MAML3: variants seen among roughly 807,000 people sequenced by gnomAD.
MAML3 encodes mastermind like transcriptional coactivator 3.
A neutral mutation model predicts 101.9 loss-of-function variants in MAML3; 27 were observed. That is an observed-to-expected ratio of 0.27 (90% confidence interval 0.20 to 0.37). The LOEUF is 0.37. Ranked by LOEUF, MAML3 falls within the 10% of genes least tolerant of loss-of-function variation. MAML3 has a pLI of 1.00. For missense variants in MAML3, 1,316 were observed against 1,444.9 expected, an observed-to-expected ratio of 0.91 and a Z score of 1.45; for synonymous variants, 501 against 555.9, an observed-to-expected ratio of 0.90 and a Z score of 1.39.
chr4:139,946,925 ACTCTCTCTCTCT>A (rs869076388), intron 1 of MAML3, among the ~76,000 whole-genome samples: 8 of 68,132 alleles, frequency 1.2e-4, no homozygotes, highest in African/African-American at 5.3e-4. Context: ...ACACACACAC[ACTCTCTCTCTCT>A]CTCTCTCTCT....
chr4:140,093,291 T>A (rs914437154), intron 1 of MAML3, among the ~76,000 whole-genome samples: 3 of 152,238 alleles, frequency 2.0e-5, no homozygotes, highest in Non-Finnish European at 4.4e-5. Context: ...CAGATGTGAC[T>A]TTTTATAACT....
chr4:140,004,246 A>G (rs1726398913), intron 1 of MAML3, among the ~76,000 whole-genome samples: 1 of 152,210 alleles, frequency 6.6e-6, no homozygotes, highest in Admixed American at 6.5e-5. Flanking sequence ...ACCCCAGAAT[A>G]TTGGTGGATG....
chr4:139,782,080 A>G (rs1287319353), intron 2 of MAML3, among the ~76,000 whole-genome samples: 1 of 152,222 alleles, frequency 6.6e-6, no homozygotes, highest in Non-Finnish European at 1.5e-5. Context: ...ATCTAGATTT[A>G]TATGCCCATC....
rs1472589166 is a variant in MAML3 at position 140,109,481 on chromosome 4, G to T, written c.468+43379C>A. Among the ~76,000 whole-genome samples, 26 of 152,170 alleles carry T rather than the reference G, an allele frequency of 1.7e-4. 1 individual carries two copies. The highest frequency in any genetic ancestry group is 1.6e-3 in the Admixed American group (25 of 15,270). On this transcript the variant is annotated intron_variant, in intron 1 of 4. Coordinates refer to ENST00000509479, the MANE Select transcript of MAML3 (RefSeq NM_018717.5). ...ACGGTGTCTCCTTGCCTCCTCTGAA[G>T]CTACTGCATTAACACAGTAGATCAA...
At chr4:140,115,427 CA>C (rs749618399) in intron 1 of MAML3, among the ~76,000 whole-genome samples, 8 of 152,172 alleles carry the variant, frequency 5.3e-5, no homozygotes, top group Non-Finnish European at 1.0e-4. Context: ...TGCAAAGCCA[CA>C]AATATCCCTT....
chr4:139,865,612 C>T (rs776685730), intron 2 of MAML3, among the ~76,000 whole-genome samples: 14 of 151,320 alleles, frequency 9.3e-5, no homozygotes, highest in Middle Eastern at 3.4e-3. Context: ...TCTTTTTCCT[C>T]TTGTTTAACT....
At chr4:139,773,773 C>T (rs1273466440) in intron 2 of MAML3, among the ~76,000 whole-genome samples, 1 of 152,200 alleles carries the variant, frequency 6.6e-6, no homozygotes, top group African/African-American at 2.4e-5. Flanking sequence ...ATAAAGATTG[C>T]CAAACCGCCC....
rs1464119125 is a variant in MAML3 at position 139,831,856 on chromosome 4, G to C, written c.2079+57501C>G. Among the ~76,000 whole-genome samples, 3 of 151,072 alleles carry C rather than the reference G, an allele frequency of 2.0e-5. No individual in the cohort carries two copies. The East Asian group carries it at 5.9e-4, about 30-fold the overall frequency. On this transcript the variant is annotated intron_variant, in intron 2 of 4. Transcript: ENST00000509479. ...CACCCAGGCCAGAGTGCAGTGGTGC[G>C]ATCTCAGCTCACTGCAACCTCCGCC...
chr4:139,994,649 C>T (rs1734768209), intron 1 of MAML3, among the ~76,000 whole-genome samples: 1 of 150,186 alleles, frequency 6.7e-6, no homozygotes, highest in African/African-American at 2.5e-5. Context: ...AACAGAGAGA[C>T]ACCCAGTCTC....
chr4:140,065,053 G>A (rs1727511372), intron 1 of MAML3, among the ~76,000 whole-genome samples: 1 of 152,130 alleles, frequency 6.6e-6, no homozygotes, highest in South Asian at 2.1e-4. Context: ...CTGGATTGAG[G>A]TCGTCTCTGC....
intron 1 of MAML3, among the ~76,000 whole-genome samples, chr4:139,926,985 CCTTGACA>C (rs1338664631): frequency 1.3e-5 from 2 of 152,248 alleles, no homozygotes; most frequent in East Asian, 3.9e-4. Flanking sequence ...CCTTTCTTGG[CCTTGACA>C]CTTTTGAGGA....
At chr4:139,856,147 C>G (rs1731657887) in intron 2 of MAML3, among the ~76,000 whole-genome samples, 1 of 152,192 alleles carries the variant, frequency 6.6e-6, no homozygotes, top group South Asian at 2.1e-4. Context: ...TGTTCCTACC[C>G]AGCACAATGC....
At chr4:139,855,340 C>T (rs950079994) in intron 2 of MAML3, among the ~76,000 whole-genome samples, 1 of 152,158 alleles carries the variant, frequency 6.6e-6, no homozygotes, top group African/African-American at 2.4e-5. Flanking sequence ...GATGAAACAA[C>T]GTCAGAATAA....
chr4:139,957,075 T>C (rs1236744894), intron 1 of MAML3, among the ~76,000 whole-genome samples: 1 of 152,176 alleles, frequency 6.6e-6, no homozygotes, highest in Non-Finnish European at 1.5e-5. Context: ...ACAGCTGGAA[T>C]ATGGCAGAAA....
intron 1 of MAML3, among the ~76,000 whole-genome samples, chr4:140,136,338 T>C (rs1378733270): frequency 6.6e-6 from 1 of 152,168 alleles, no homozygotes; most frequent in Non-Finnish European, 1.5e-5. Context: ...AAGCCCAGTA[T>C]ATCCCAAAAT....
intron 1 of MAML3, among the ~76,000 whole-genome samples, chr4:140,126,708 T>A (rs189970304): frequency 1.3e-5 from 2 of 152,222 alleles, no homozygotes; most frequent in Admixed American, 1.3e-4. Context: ...GTCCTATACA[T>A]CCAAATGACT....
intron 2 of MAML3, among the ~76,000 whole-genome samples, chr4:139,771,978 G>A (rs1477160307): frequency 1.3e-4 from 20 of 150,676 alleles, no homozygotes; most frequent in Admixed American, 2.6e-4. Context: ...GGTGGCTCAC[G>A]CCTGTAATCC....
chr4:140,153,130 G>T lies in MAML3; in HGVS notation c.198C>A (p.Ala66=), dbSNP rs896165696. 6.5e-7 allele frequency: 1 copy of T among 1,550,252 alleles called. No homozygotes were observed. The highest frequency in any genetic ancestry group is 8.7e-7 in the Non-Finnish European group (1 of 1,146,758). ...GSGGPGGGSA[A]VPKHSTVVER... ...CCACCACGGTGCTGTGCTTGGGAACGGCCGCCGAACCGCCGCCGGGGCCCC... is the reference window on the plus strand; with the variant it reads ...CCACCACGGTGCTGTGCTTGGGAACTGCCGCCGAACCGCCGCCGGGGCCCC... Residue 66 remains alanine, a synonymous_variant, in exon 1 of 5, where the codon GCC becomes GCA. Coordinates refer to ENST00000509479, the MANE Select transcript of MAML3 (RefSeq NM_018717.5).
At chr4:139,742,727 G>A (rs988026485) in intron 2 of MAML3, among the ~76,000 whole-genome samples, 15 of 152,162 alleles carry the variant, frequency 9.9e-5, no homozygotes, top group South Asian at 2.1e-4. Flanking sequence ...AATATGAAAT[G>A]AGACCCTAGA....
Sources: gnomAD v4.1 joint callset for allele counts (sites outside exome capture counted in the v4.1 genomes callset) on GRCh38, gnomAD v4.1.1 for gene constraint, MANE v1.5 for transcripts, NCBI Gene and HGNC (gene_info 2026-07-23, HGNC 2026-07-21) for gene names.